KAT2B: variants seen among roughly 807,000 people sequenced by gnomAD.
KAT2B encodes histone acetyltransferase KAT2B.
A neutral mutation model predicts 105.9 loss-of-function variants in KAT2B; 36 were observed. The ratio of observed to expected loss-of-function variants is 0.34; its 90% CI spans 0.26 to 0.45. The LOEUF (loss-of-function observed/expected upper bound fraction) is 0.45. KAT2B is among the 20% of genes least tolerant of loss of function. KAT2B has a pLI of 1.00. For missense variants in KAT2B, 820 were observed against 1,021.6 expected (o/e 0.80, Z 2.69); for synonymous variants, 397 against 377.9 (o/e 1.05, Z -0.59).
chr3:20,095,328 T>C lies in KAT2B; in HGVS notation c.496T>C (p.Leu166=), dbSNP rs1356419064. The C allele has an allele frequency of 1.2e-6, 2 of 1,605,960 alleles. No individual in the cohort carries two copies. Among genetic ancestry groups the C allele is most frequent in the Non-Finnish European group, 1.7e-6 (2 of 1,172,626 alleles). ...EEMNRLLGIV[L]DVEYLFTCVH... ...AATGAACAGACTCCTGGGAATAGTATTGGATGTGGAATATCTCTTTACCTG... is the reference window on the plus strand; with the variant it reads ...AATGAACAGACTCCTGGGAATAGTACTGGATGTGGAATATCTCTTTACCTG... Residue 166 remains leucine, a synonymous_variant, in exon 3 of 18, where the codon TTG becomes CTG. Transcript: ENST00000263754.
At chr3:20,053,550 A>G (rs1697952269) in intron 1 of KAT2B, among the ~76,000 whole-genome samples, 1 of 152,190 alleles carries the variant, frequency 6.6e-6, no homozygotes, top group African/African-American at 2.4e-5. Flanking sequence ...ACAAGACAAA[A>G]CAAAAAAACT....
intron 5 of KAT2B, among the ~76,000 whole-genome samples, chr3:20,108,957 G>C (rs1323030955): frequency 6.6e-6 from 1 of 152,154 alleles, no homozygotes; most frequent in Non-Finnish European, 1.5e-5. Context: ...TGGAAAAATT[G>C]TCTCTCATGA....
Position 20,049,741 on chromosome 3 carries a change from G to A in KAT2B, c.303+8961G>A, listed in dbSNP as rs145726664. The stretch of plus-strand genomic sequence containing the variant: ...ATAAGCATTCTTTATTACTGGCCCA[G>A]GACAGACATATACATGCTCTTGATT... On this transcript the variant is annotated intron_variant, in intron 1 of 17. Coordinates refer to ENST00000263754, the MANE Select transcript of KAT2B (RefSeq NM_003884.5). 8.0e-3 allele frequency among the ~76,000 whole-genome samples: 1,223 copies of A among 152,256 alleles called. 7 individuals carry two copies. The highest frequency in any genetic ancestry group is 0.011 in the Non-Finnish European group (759 of 68,038).
intron 6 of KAT2B, 105 bp downstream of exon 6, chr3:20,111,892 A>G: frequency 1.1e-6 from 1 of 895,884 alleles, no homozygotes; most frequent in African/African-American, 1.7e-5. Context: ...GACAGAAGAA[A>G]CATTCCAAGG....
chr3:20,130,018 T>C (rs1375290942), intron 11 of KAT2B, among the ~76,000 whole-genome samples: 1 of 152,150 alleles, frequency 6.6e-6, no homozygotes, highest in Non-Finnish European at 1.5e-5. Context: ...CTTGCTCTTT[T>C]GCTCTGGCTG....
intron 8 of KAT2B, among the ~76,000 whole-genome samples, chr3:20,120,833 C>A (rs1699295532): frequency 6.6e-6 from 1 of 151,888 alleles, no homozygotes; most frequent in South Asian, 2.1e-4. Flanking sequence ...AAAAGAAGTA[C>A]CATGAAAGAG....
chr3:20,040,548 C>A lies in KAT2B; in HGVS notation c.71C>A (p.Ala24Glu). The change falls in exon 1 of 18, where the codon GCG becomes GAG. Residue 24 changes from alanine (A) to glutamate (E), a missense_variant. This residue lies in a region of KAT2B where 190 missense variants were observed against 176.7 expected (regional missense o/e 1.08). Coordinates refer to ENST00000263754, the MANE Select transcript of KAT2B (RefSeq NM_003884.5). Reference sequence around the variant, plus strand: ...GCCGGGGCAGGGGCCGGGCCCGGGGCGCTGCCCCCGCAGCCTGCGGCGCTT... The same window carrying A: ...GCCGGGGCAGGGGCCGGGCCCGGGGAGCTGCCCCCGCAGCCTGCGGCGCTT... ...AGAGAGAGPGALPPQPAALPP... is the reference protein window; with the variant it reads ...AGAGAGAGPGELPPQPAALPP... 1.9e-6 allele frequency: 2 copies of A among 1,035,790 alleles called. No homozygotes were observed. Among genetic ancestry groups the A allele is most frequent in the Non-Finnish European group, 2.3e-6 (2 of 864,214 alleles). 64.2% of individuals were successfully genotyped at this position (1,035,790 alleles called of 1,614,324 possible).
intron 17 of KAT2B, among the ~76,000 whole-genome samples, chr3:20,149,520 A>AAAAAAAAAAAAAAAAAAAAAAG (rs1699836094): frequency 6.8e-6 from 1 of 146,292 alleles, no homozygotes; most frequent in Non-Finnish European, 1.5e-5. Flanking sequence ...AAAAAAAAAA[A>AAAAAAAAAAAAAAAAAAAAAAG]TTGTGGAAGT....
chr3:20,146,325 A>C lies in KAT2B; in HGVS notation c.2014A>C (p.Lys672Gln), dbSNP rs1225422212. The C allele has an allele frequency of 6.3e-7, 1 of 1,598,578 alleles. No individual in the cohort carries two copies. Among genetic ancestry groups the C allele is most frequent in the Admixed American group, 1.7e-5 (1 of 59,936 alleles). Residue 672 changes from lysine to glutamine, a missense_variant, in exon 14 of 18, where the codon AAA (lysine) becomes CAA (glutamine). Transcript: ENST00000263754. Reference protein sequence around the residue: ...IIKKQKEIIKKLIERKQAQIR... With the variant: ...IIKKQKEIIKQLIERKQAQIR... ...TTCCTGTGCTTTACAGATAATTAAA[A>C]AACTGATTGAAAGAAAACAGGCACA...
chr3:20,071,204 C>T (rs1698315983), intron 1 of KAT2B, among the ~76,000 whole-genome samples: 1 of 152,128 alleles, frequency 6.6e-6, no homozygotes, highest in Non-Finnish European at 1.5e-5. Flanking sequence ...TATTTTGCAA[C>T]TACAGTGCAC....
chr3:20,147,302 T>A (rs1248676726), intron 14 of KAT2B, among the ~76,000 whole-genome samples: 3 of 152,262 alleles, frequency 2.0e-5, no homozygotes, highest in East Asian at 3.9e-4. Context: ...ATTAATGACA[T>A]AATAGCAACC....
At chr3:20,095,115 C>T in intron 2 of KAT2B, 148 bp from the exon 3 acceptor site, 4 of 618,486 alleles carry the variant, frequency 6.5e-6, no homozygotes, top group Middle Eastern at 8.3e-4. Context: ...AGACTTCAGT[C>T]CTACAGGAGT....
At position 20,146,376 on chromosome 3, in the gene KAT2B, T is replaced by A. The variant is rs143156951; in HGVS notation, c.2065T>A (p.Ser689Thr). 9.0e-4 allele frequency: 1,445 copies of A among 1,613,618 alleles called. 2 individuals are homozygous for A. The highest frequency in any genetic ancestry group is 1.2e-3 in the Non-Finnish European group (1,361 of 1,179,592). Residue 689 changes from serine to threonine, a missense_variant, in exon 14 of 18, where the codon TCA becomes ACA. Ser to Thr is a moderately conservative substitution (Grantham distance 58). Coordinates refer to ENST00000263754, the MANE Select transcript of KAT2B (RefSeq NM_003884.5). ...AQIRKVYPGL[S>T]CFKDGVRQIP... ...AATTCGAAAAGTTTACCCTGGACTT[T>A]CATGTTTTAAAGATGGAGTTCGACA...
Position 20,114,935 on chromosome 3 carries a change from A to G in KAT2B, c.1097A>G (p.Asp366Gly), listed in dbSNP as rs1318792648. 2 of 1,613,094 alleles carry G rather than the reference A, an allele frequency of 1.2e-6. No individual in the cohort carries two copies. Among genetic ancestry groups the G allele is most frequent in the African/African-American group, 1.3e-5 (1 of 74,994 alleles). ...EVYSQNSPIW[D>G]QDFLSASSRT... ...TATAGTCAAAACTCTCCCATCTGGG[A>G]TCAGGATTTTCTCTCAGCCTCTTCC... Residue 366 changes from aspartate to glycine, a missense_variant, in exon 7 of 18, where the codon GAT becomes GGT. By Grantham distance (94) the Asp-to-Gly change is moderately conservative (BLOSUM62 -1). Around this residue, in one of 6 missense-constraint regions of KAT2B, gnomAD observed 225 missense variants for 268.1 expected, o/e 0.84. Coordinates refer to ENST00000263754, the MANE Select transcript of KAT2B (RefSeq NM_003884.5).
At chr3:20,089,425 G>A (rs1047106323) in intron 2 of KAT2B, among the ~76,000 whole-genome samples, 12 of 145,238 alleles carry the variant, frequency 8.3e-5, no homozygotes, top group African/African-American at 3.1e-4. Context: ...TTTTGAGATG[G>A]AGTCTCACCT....
chr3:20,057,383 G>C (rs1698019901), intron 1 of KAT2B, among the ~76,000 whole-genome samples: 1 of 152,156 alleles, frequency 6.6e-6, no homozygotes, highest in Non-Finnish European at 1.5e-5. Context: ...GATAATGACT[G>C]ATACCATGAG....
chr3:20,102,502 T>A (rs1005732233), intron 5 of KAT2B, among the ~76,000 whole-genome samples: 3 of 152,210 alleles, frequency 2.0e-5, no homozygotes, highest in African/African-American at 7.2e-5. Context: ...ACAGGTTACA[T>A]TATAGTCCAT....
chr3:20,110,981 C>G (rs912772844), intron 5 of KAT2B, among the ~76,000 whole-genome samples: 1 of 152,116 alleles, frequency 6.6e-6, no homozygotes, highest in Non-Finnish European at 1.5e-5. Context: ...GAGTTTTAAA[C>G]AGTCCTGAAG....
intron 1 of KAT2B, among the ~76,000 whole-genome samples, chr3:20,062,422 T>A (rs1303005706): frequency 2.6e-5 from 3 of 113,912 alleles, no homozygotes; most frequent in Non-Finnish European, 5.1e-5. Flanking sequence ...TATATATTAT[T>A]ATATATAATA....
Sources: gnomAD v4.1 joint callset for allele counts (sites outside exome capture counted in the v4.1 genomes callset) on GRCh38, gnomAD v4.1.1 for gene constraint, gnomAD v4.1.1 regional missense constraint, MANE v1.5 for transcripts, NCBI Gene and HGNC (gene_info 2026-07-23, HGNC 2026-07-21) for gene names.